CHRM2: variants seen among roughly 807,000 people sequenced by gnomAD.
CHRM2 encodes cholinergic receptor muscarinic 2.
A neutral mutation model predicts 25.0 loss-of-function variants in CHRM2; 8 were observed. The ratio of observed to expected loss-of-function variants is 0.32; its 90% CI spans 0.19 to 0.58. The LOEUF is 0.58. Among genes scored for constraint, CHRM2 ranks in the 20% least tolerant of loss-of-function variants. CHRM2 has a pLI of 0.88. For synonymous variants in CHRM2, 202 were observed against 205.7 expected, an observed-to-expected ratio of 0.98 and a Z score of 0.15; for missense variants, 440 against 567.1, an observed-to-expected ratio of 0.78 and a Z score of 2.28.
At chr7:136,962,174 G>C (rs967605580) in intron 2 of CHRM2, among the ~76,000 whole-genome samples, 2 of 150,424 alleles carry the variant, frequency 1.3e-5, no homozygotes, top group African/African-American at 4.9e-5. Flanking sequence ...TTGCTCTTTT[G>C]TCTAAACGAG....
intron 2 of CHRM2, among the ~76,000 whole-genome samples, chr7:136,893,861 C>A (rs1054995736): frequency 1.3e-5 from 2 of 152,154 alleles, no homozygotes; most frequent in East Asian, 1.9e-4. Flanking sequence ...CAAAGGAATA[C>A]ATAAAATGAT....
intron 2 of CHRM2, among the ~76,000 whole-genome samples, chr7:136,926,361 G>T (rs1798751154): frequency 1.3e-5 from 2 of 152,188 alleles, no homozygotes; most frequent in African/African-American, 2.4e-5. Context: ...GTGTCAGGCA[G>T]GAATAGACTG....
At chr7:136,971,793 A>C (rs1051181877) in intron 2 of CHRM2, among the ~76,000 whole-genome samples, 6 of 122,406 alleles carry the variant, frequency 4.9e-5, no homozygotes, top group Non-Finnish European at 9.4e-5. Context: ...TTTGGTAAAA[A>C]TCTGCATGAG....
intron 2 of CHRM2, among the ~76,000 whole-genome samples, chr7:136,890,493 T>G (rs961792258): frequency 4.9e-4 from 74 of 152,328 alleles, no homozygotes; most frequent in African/African-American, 1.6e-3. Context: ...AAAATTGCCA[T>G]GTTCTGCAGT....
intron 3 of CHRM2, among the ~76,000 whole-genome samples, chr7:137,000,506 T>C (rs755959936): frequency 8.6e-6 from 1 of 115,936 alleles, no homozygotes; most frequent in Admixed American, 9.7e-5. Flanking sequence ...AGTCTCATAA[T>C]ATATTATTAT....
At chr7:137,011,948 G>C (rs1458874621) in intron 3 of CHRM2, among the ~76,000 whole-genome samples, 1 of 151,938 alleles carries the variant, frequency 6.6e-6, no homozygotes, top group Non-Finnish European at 1.5e-5. Context: ...TTGGACCTTA[G>C]CAATTTAGAT....
intron 2 of CHRM2, among the ~76,000 whole-genome samples, chr7:136,955,100 G>A (rs1212473851): frequency 6.6e-6 from 1 of 152,156 alleles, no homozygotes; most frequent in African/African-American, 2.4e-5. Context: ...GGATAAATGA[G>A]CCGTAAAAGA....
chr7:136,905,262 A>T (rs1797468847), intron 2 of CHRM2, among the ~76,000 whole-genome samples: 1 of 151,792 alleles, frequency 6.6e-6, no homozygotes, highest in South Asian at 2.1e-4. Flanking sequence ...ATAACTGAAG[A>T]TCATTTTCTT....
chr7:136,990,277 T>C (rs999290604), intron 2 of CHRM2, among the ~76,000 whole-genome samples: 25 of 152,124 alleles, frequency 1.6e-4, no homozygotes, highest in Admixed American at 9.2e-4. Context: ...TTGTACTTTC[T>C]ATGAGCTTAG....
At chr7:136,969,658 T>A (rs909451145) in intron 2 of CHRM2, among the ~76,000 whole-genome samples, 1 of 152,192 alleles carries the variant, frequency 6.6e-6, no homozygotes, top group Admixed American at 6.6e-5. Flanking sequence ...GCCTTCTAAC[T>A]GGGTTCTGCC....
At chr7:136,980,383 C>T (rs1400195295) in intron 2 of CHRM2, among the ~76,000 whole-genome samples, 4 of 152,184 alleles carry the variant, frequency 2.6e-5, no homozygotes, top group African/African-American at 9.7e-5. Context: ...ATCATGTCAT[C>T]TGCAAACAAA....
At chr7:136,989,060 G>A (rs1036145792) in intron 2 of CHRM2, among the ~76,000 whole-genome samples, 1 of 151,954 alleles carries the variant, frequency 6.6e-6, no homozygotes, top group South Asian at 2.1e-4. Context: ...AGCTTTAGAG[G>A]TTTTATAACT....
At position 137,002,573 on chromosome 7, in the gene CHRM2, G is replaced by C. The variant is rs201285839; in HGVS notation, c.-47+10309G>C. Among the ~76,000 whole-genome samples, 11 of 152,180 alleles carry C rather than the reference G, an allele frequency of 7.2e-5. No individual in the cohort carries two copies. In the East Asian group the frequency reaches 2.1e-3, roughly 29 times the overall value. On this transcript the variant is annotated intron_variant, in intron 3 of 3. Transcript: ENST00000680005. ...GACACTTTGACCATTGGGTTAGGAA[G>C]AGGATTAGTCACTAAGTTTTAAATT...
At chr7:136,971,259 C>T (rs1801748197) in intron 2 of CHRM2, among the ~76,000 whole-genome samples, 1 of 152,166 alleles carries the variant, frequency 6.6e-6, no homozygotes, top group Non-Finnish European at 1.5e-5. Flanking sequence ...TCAGCCTGGA[C>T]TAGAACTCAG....
At chr7:137,001,340 C>T (rs369106940) in intron 3 of CHRM2, among the ~76,000 whole-genome samples, 2 of 152,024 alleles carry the variant, frequency 1.3e-5, no homozygotes, top group African/African-American at 2.4e-5. Context: ...CTGAGCAAAA[C>T]GGGTCAAGCT....
intron 2 of CHRM2, among the ~76,000 whole-genome samples, chr7:136,983,451 T>C (rs1357042394): frequency 6.6e-6 from 1 of 152,144 alleles, no homozygotes; most frequent in Non-Finnish European, 1.5e-5. Flanking sequence ...TCAAACTCAT[T>C]CTCTGTCCAG....
chr7:136,930,296 C>A (rs900962168), intron 2 of CHRM2, among the ~76,000 whole-genome samples: 1 of 152,138 alleles, frequency 6.6e-6, no homozygotes, highest in East Asian at 2.0e-4. Flanking sequence ...ATTAGCCAGG[C>A]ATCGTGGCAC....
intron 3 of CHRM2, among the ~76,000 whole-genome samples, chr7:137,010,475 C>T (rs1271078416): frequency 2.6e-5 from 4 of 151,958 alleles, no homozygotes; most frequent in East Asian, 1.9e-4. Flanking sequence ...TGCTTTAACA[C>T]CACCCTATGA....
intron 2 of CHRM2, among the ~76,000 whole-genome samples, chr7:136,966,857 C>T (rs538666146): frequency 6.6e-6 from 1 of 151,764 alleles, no homozygotes; most frequent in Non-Finnish European, 1.5e-5. Context: ...TTGAGAAATT[C>T]TTTAGGATAA....
Sources: allele counts gnomAD v4.1 joint callset (sites outside exome capture counted in the v4.1 genomes callset), GRCh38; gene constraint gnomAD v4.1.1; transcripts MANE v1.5; gene names NCBI Gene and HGNC (gene_info 2026-07-23, HGNC 2026-07-21).